FSCN3: variants seen among roughly 807,000 people sequenced by gnomAD.
FSCN3 encodes fascin-3.
A neutral mutation model predicts 53.5 loss-of-function variants in FSCN3; 43 were observed. The ratio of observed to expected loss-of-function variants is 0.80; its 90% CI spans 0.63 to 1.04. The LOEUF (loss-of-function observed/expected upper bound fraction) is 1.04, where lower values mean the gene tolerates loss of function less well. Ranked by LOEUF, FSCN3 falls within the 50% of genes least tolerant of loss-of-function variation. The pLI, the probability that FSCN3 is intolerant of heterozygous loss-of-function variation, is 0.00. For missense variants in FSCN3, 594 were observed against 646.5 expected, an observed-to-expected ratio of 0.92 and a Z score of 0.88; for synonymous variants, 235 against 246.6, an observed-to-expected ratio of 0.95 and a Z score of 0.44.
In FSCN3 at chr7:127,598,548, G is replaced by T. The variant is rs1794425163; in HGVS notation, c.1074G>T (p.Leu358=). The change falls in exon 4 of 7, where the codon CTG becomes CTT. Residue 358 remains leucine, a synonymous_variant. Transcript: ENST00000265825. ...TGCAGTCCTGCAGGGGGCGCTTCCT[G>T]GGCATTGCACCCAACAGCCTGCTGA... ...IILQSCRGRF[L]GIAPNSLLMA... is the part of the protein sequence containing the mutation. 2 of 1,613,648 alleles carry T rather than the reference G, an allele frequency of 1.2e-6. No homozygotes were observed. Among genetic ancestry groups the T allele is most frequent in the African/African-American group, 2.7e-5 (2 of 74,918 alleles).
In FSCN3 at chr7:127,597,341, G is replaced by A. The variant is rs775701975; in HGVS notation, c.960+895G>A. The stretch of plus-strand genomic sequence containing the variant: ...ACTATTTTACATTCTTGTCAATAAC[G>A]TATGAGGGTTCTAAGAATTCCATAT... On this transcript the variant is annotated intron_variant, in intron 3 of 6. Coordinates refer to ENST00000265825, the MANE Select transcript of FSCN3 (RefSeq NM_020369.3). Among the ~76,000 whole-genome samples, 5 of 152,268 alleles carry A rather than the reference G, an allele frequency of 3.3e-5. No individual in the cohort carries two copies. In the South Asian group the frequency reaches 6.2e-4, roughly 19 times the overall value.
rs753840368 is a variant in FSCN3 at position 127,595,486 on chromosome 7, G to C, written c.324G>C (p.Gln108His). The C allele has an allele frequency of 6.2e-7, 1 of 1,614,178 alleles. No homozygotes were observed. Among genetic ancestry groups the C allele is most frequent in the Non-Finnish European group, 8.5e-7 (1 of 1,180,022 alleles). The change falls in exon 2 of 7, where the codon CAG becomes CAC. Residue 108 changes from glutamine (Q) to histidine (H), a missense_variant. Gln to His is a conservative substitution (Grantham distance 24, BLOSUM62 0). Coordinates refer to ENST00000265825, the MANE Select transcript of FSCN3 (RefSeq NM_020369.3). ...RFHRNSKWTL[Q>H]CLISGRYLES... ...ACCGGAACAGCAAGTGGACCCTCCA[G>C]TGCCTAATCTCTGGTCGTTATTTGG...
rs771492593 is a variant in FSCN3 at position 127,595,526 on chromosome 7, G to A, written c.364G>A (p.Asp122Asn). The change falls in exon 2 of 7, where the codon GAC becomes AAC. Residue 122 changes from aspartate (D) to asparagine (N), a missense_variant. Asp to Asn is a conservative substitution (Grantham distance 23). Transcript: ENST00000265825. ...SGRYLESNGK[D>N]VFCTSHVLSA... ...TCGTTATTTGGAGTCCAATGGCAAG[G>A]ACGTGTTTTGCACTTCCCACGTCCT... 1 of 1,614,000 alleles carries A rather than the reference G, an allele frequency of 6.2e-7. No homozygotes were observed. Among genetic ancestry groups the A allele is most frequent in the African/African-American group, 1.3e-5 (1 of 74,928 alleles).
intron 1 of FSCN3, chr7:127,594,510 CAGAA>C (rs1449320753): frequency 3.2e-5 from 15 of 470,680 alleles, no homozygotes; most frequent in Admixed American, 4.7e-5. Flanking sequence ...GTGGTTGTGT[CAGAA>C]AGAAGAGAAG....
rs1306255519 is a variant in FSCN3, at chr7:127,594,718, T to A, written c.145-589T>A. 4 of 471,110 alleles carry A rather than the reference T, an allele frequency of 8.5e-6. No individual in the cohort carries two copies. The Admixed American group carries it at 9.4e-5, about 11-fold the overall frequency. The allele number at this position is 471,110 out of a possible 1,614,324, so 29.2% of individuals were successfully genotyped here. On this transcript the variant is annotated intron_variant, in intron 1 of 6. Transcript: ENST00000265825. ...TCGGTCTTCATTCTAGAGAGGAATG[T>A]AGGCACCTCTGGGATGGGTGCCAGA...
intron 3 of FSCN3, among the ~76,000 whole-genome samples, chr7:127,598,173 C>G (rs1329704371): frequency 6.6e-6 from 1 of 152,136 alleles, no homozygotes; most frequent in African/African-American, 2.4e-5. Flanking sequence ...ATTTTGGAGT[C>G]AAGACTGAGG....
At chr7:127,596,999 G>A (rs1023590828) in intron 3 of FSCN3, among the ~76,000 whole-genome samples, 1 of 152,204 alleles carries the variant, frequency 6.6e-6, no homozygotes, top group Non-Finnish European at 1.5e-5. Context: ...CATTTCTTGT[G>A]CTTGGCACAA....
rs747644179 is a variant in FSCN3 at position 127,595,517 on chromosome 7, A to G, written c.355A>G (p.Asn119Asp). 1.2e-6 allele frequency: 2 copies of G among 1,614,040 alleles called. No homozygotes were observed. The highest frequency in any genetic ancestry group is 2.2e-5 in the South Asian group (2 of 91,080). ...AATCTCTGGTCGTTATTTGGAGTCC[A>G]ATGGCAAGGACGTGTTTTGCACTTC... ...CLISGRYLES[N>D]GKDVFCTSHV... The change falls in exon 2 of 7, where the codon AAT becomes GAT. Residue 119 changes from asparagine to aspartate, a missense_variant. By Grantham distance (23) the Asn-to-Asp change is conservative. Transcript: ENST00000265825.
chr7:127,598,947 G>A (rs1171497894), intron 4 of FSCN3, among the ~76,000 whole-genome samples: 3 of 150,170 alleles, frequency 2.0e-5, no homozygotes, highest in African/African-American at 4.9e-5. Flanking sequence ...GCGACAGAGC[G>A]AGACTCTATC....
chr7:127,596,178 G>A, intron 2 of FSCN3, 150 bp from the exon 3 acceptor site: 3 of 1,495,516 alleles, frequency 2.0e-6, no homozygotes, highest in Admixed American at 2.3e-5. Context: ...GGGATTTAGG[G>A]GAAAGTTGCC....
At position 127,596,364 on chromosome 7, in the gene FSCN3, GA is replaced by G; in HGVS notation, c.880del (p.Met294CysfsTer33). 1.2e-6 allele frequency: 2 copies of G among 1,613,252 alleles called. No homozygotes were observed. Among genetic ancestry groups the G allele is most frequent in the Non-Finnish European group, 1.7e-6 (2 of 1,179,210 alleles). On this transcript the variant is annotated frameshift_variant, in exon 3 of 7. Coordinates refer to ENST00000265825, the MANE Select transcript of FSCN3 (RefSeq NM_020369.3). LOFTEE classifies it high-confidence loss of function. ...EVRAASERLN[R>X]MSLFQFECDS... ...CGTGCTGCTTCTGAGCGCTTAAACC[GA>G]ATGTCCTTGTTCCAGTTTGAATGTG...
chr7:127,601,631 G>A lies in FSCN3; in HGVS notation c.*9G>A, dbSNP rs1377769784. 1 of 152,124 alleles carries A rather than the reference G, an allele frequency of 6.6e-6. No individual in the cohort carries two copies. Among genetic ancestry groups the A allele is most frequent in the Non-Finnish European group, 1.5e-5 (1 of 68,036 alleles). 9.4% of individuals were successfully genotyped at this position (152,124 alleles called of 1,614,324 possible). A position where few individuals can be genotyped will look rare whatever the true frequency, so the allele number is the denominator to read the frequency against. On this transcript the variant is annotated 3_prime_UTR_variant, in exon 7 of 7. Coordinates refer to ENST00000265825, the MANE Select transcript of FSCN3 (RefSeq NM_020369.3). Reference sequence around the variant, plus strand: ...TCCTCTTTCCTCTCCAGGTCAATGGGATGTCACCTACCAAAATCCAAATCC... The same window carrying A: ...TCCTCTTTCCTCTCCAGGTCAATGGAATGTCACCTACCAAAATCCAAATCC...
rs745812137 is a variant in FSCN3, at chr7:127,595,663, G to A, written c.501G>A (p.Trp167Ter). ...ARADPTMGRI[W>*]VDAAVPCLEE... The stretch of plus-strand genomic sequence containing the variant: ...CTGACCCCACTATGGGCCGCATCTG[G>A]GTGGACGCAGCAGTTCCCTGCCTGG... Residue 167 changes from tryptophan to a stop codon, truncating the protein, a stop_gained, in exon 2 of 7, where the codon TGG becomes TGA. Coordinates refer to ENST00000265825, the MANE Select transcript of FSCN3 (RefSeq NM_020369.3). LOFTEE classifies it high-confidence loss of function. The A allele has an allele frequency of 1.2e-6, 2 of 1,613,782 alleles. No homozygotes were observed. The highest frequency in any genetic ancestry group is 1.3e-5 in the African/African-American group (1 of 74,920).
At chr7:127,594,196 G>GTGTACTTGCCTGTATATGAAAGTA (rs1794344536) in intron 1 of FSCN3, among the ~76,000 whole-genome samples, 199 bp downstream of exon 1, 1 of 142,936 alleles carries the variant, frequency 7.0e-6, no homozygotes, top group South Asian at 2.2e-4. Context: ...GTGTGTGTGT[G>GTGTACTTGCCTGTATATGAAAGTA]TACTTGCCTG....
In FSCN3 at chr7:127,595,672, A is replaced by G. The variant is rs1305124560; in HGVS notation, c.510A>G (p.Ala170=). ...DPTMGRIWVD[A]AVPCLEECGF... ...CTATGGGCCGCATCTGGGTGGACGC[A>G]GCAGTTCCCTGCCTGGAGGAGTGTG... The change falls in exon 2 of 7, where the codon GCA becomes GCG. Residue 170 remains alanine (A), a synonymous_variant. Coordinates refer to ENST00000265825, the MANE Select transcript of FSCN3 (RefSeq NM_020369.3). 3 of 1,613,786 alleles carry G rather than the reference A, an allele frequency of 1.9e-6. No individual in the cohort carries two copies. Among genetic ancestry groups the G allele is most frequent in the African/African-American group, 1.3e-5 (1 of 74,998 alleles).
intron 2 of FSCN3, 94 bp from the exon 3 acceptor site, chr7:127,596,234 T>C: frequency 6.5e-7 from 1 of 1,529,196 alleles, no homozygotes; most frequent in Non-Finnish European, 8.8e-7. Context: ...AGTGATGAAG[T>C]TTGAGGAGGG....
chr7:127,597,288 G>A (rs1794403304), intron 3 of FSCN3, among the ~76,000 whole-genome samples: 1 of 152,188 alleles, frequency 6.6e-6, no homozygotes, highest in African/African-American at 2.4e-5. Context: ...AACTTTGGAA[G>A]AAAGTGTCAG....
At chr7:127,596,271 A>T in intron 2 of FSCN3, 57 bp from the exon 3 acceptor site, 2 of 1,545,286 alleles carry the variant, frequency 1.3e-6, no homozygotes, top group Non-Finnish European at 1.8e-6. Flanking sequence ...GTCATAAAAC[A>T]TGGAGGAGGG....
intron 1 of FSCN3, chr7:127,594,959 AG>A (rs1329162486): frequency 3.2e-5 from 15 of 466,396 alleles, no homozygotes; most frequent in Admixed American, 8.3e-5. Context: ...GGAAGAAAAA[AG>A]TAAGACTTAC....
Sources: gnomAD v4.1 joint callset for allele counts (sites outside exome capture counted in the v4.1 genomes callset) on GRCh38, gnomAD v4.1.1 for gene constraint, MANE v1.5 for transcripts, NCBI Gene and HGNC (gene_info 2026-07-23, HGNC 2026-07-21) for gene names.